Variants in HIF1AN observed in about 807,000 individuals in gnomAD.
HIF1AN encodes hypoxia inducible factor 1 subunit alpha inhibitor.
Under a neutral mutation model 47.7 loss-of-function variants are expected in HIF1AN, and 21 were observed. The ratio of observed to expected loss-of-function variants is 0.44; its 90% confidence interval spans 0.31 to 0.63. HIF1AN has a LOEUF of 0.63. HIF1AN is among the 30% of genes least tolerant of loss of function. The pLI, the probability that HIF1AN is intolerant of heterozygous loss-of-function variation, is 0.07. For missense variants in HIF1AN, 320 were observed against 432.7 expected (o/e 0.74, Z 2.31); for synonymous variants, 152 against 155.9 (o/e 0.98, Z 0.18).
At chr10:100,546,992 G>C in intron 6 of HIF1AN, 148 bp from the exon 7 acceptor site, 1 of 591,944 alleles carries the variant, frequency 1.7e-6, no homozygotes, top group East Asian at 3.0e-5. Flanking sequence ...CACCCGCCTC[G>C]GCCTCCCAAA....
rs1005808612 is a variant in HIF1AN, at chr10:100,549,624, C to G, written c.*1487C>G. 6.6e-6 allele frequency: 1 copy of G among 152,380 alleles called. No individual in the cohort carries two copies. Among genetic ancestry groups the G allele is most frequent in the African/African-American group, 2.4e-5 (1 of 41,472 alleles). 9.4% of individuals were successfully genotyped at this position (152,380 alleles called of 1,614,324 possible). A position where few individuals can be genotyped will look rare whatever the true frequency, so the allele number is the denominator to read the frequency against. On this transcript the variant is annotated 3_prime_UTR_variant, in exon 8 of 8. Transcript: ENST00000299163. ...CAACTTGAAGGGCCATCATTCACAT[C>G]TATTCAGTGGGAGTGGGGTCCCTGG...
At chr10:100,546,340 C>CT (rs1310561084) in intron 5 of HIF1AN, among the ~76,000 whole-genome samples, 178 bp from the exon 6 acceptor site, 3 of 152,168 alleles carry the variant, frequency 2.0e-5, no homozygotes, top group Non-Finnish European at 4.4e-5. Flanking sequence ...ACCAGTACCT[C>CT]TAACCCCCAA....
At position 100,553,737 on chromosome 10, in the gene HIF1AN, G is replaced by A. The variant is rs1843188724; in HGVS notation, c.*5600G>A. Reference sequence around the variant, plus strand: ...GCTTCACTACTTACCAGCTGGGTTTGACCTTGGTTGATTTACTTAACCTCT... The same window carrying A: ...GCTTCACTACTTACCAGCTGGGTTTAACCTTGGTTGATTTACTTAACCTCT... On this transcript the variant is annotated 3_prime_UTR_variant, in exon 8 of 8. Coordinates refer to ENST00000299163, the MANE Select transcript of HIF1AN (RefSeq NM_017902.3). The A allele has an allele frequency of 6.6e-6, 1 of 152,278 alleles. No homozygotes were observed. Among genetic ancestry groups the A allele is most frequent in the Admixed American group, 6.5e-5 (1 of 15,288 alleles). 9.4% of individuals were successfully genotyped at this position (152,278 alleles called of 1,614,324 possible).
Position 100,548,242 on chromosome 10 carries a change from A to G in HIF1AN, c.*105A>G, listed in dbSNP as rs1843113482. 1 of 979,468 alleles carries G rather than the reference A, an allele frequency of 1.0e-6. No individual in the cohort carries two copies. The highest frequency in any genetic ancestry group is 1.7e-5 in the African/African-American group (1 of 60,026). The allele number at this position is 979,468 out of a possible 1,614,324, so 60.7% of individuals were successfully genotyped here. ...AGCGCTAGTATTGCACGCTGCACTT[A>G]ATGGACTGGACTCTTGCCATGGCCC... On this transcript the variant is annotated 3_prime_UTR_variant, in exon 8 of 8. Coordinates refer to ENST00000299163, the MANE Select transcript of HIF1AN (RefSeq NM_017902.3).
chr10:100,559,844 C>T lies in HIF1AN; in HGVS notation c.*11707C>T, dbSNP rs1339283280. 2 of 152,216 alleles carry T rather than the reference C, an allele frequency of 1.3e-5. No individual in the cohort carries two copies. The highest frequency in any genetic ancestry group is 2.4e-5 in the African/African-American group (1 of 41,454). 9.4% of individuals were successfully genotyped at this position (152,216 alleles called of 1,614,324 possible). A position where few individuals can be genotyped will look rare whatever the true frequency, so the allele number is the denominator to read the frequency against. On this transcript the variant is annotated 3_prime_UTR_variant, in exon 8 of 8. Coordinates refer to ENST00000299163, the MANE Select transcript of HIF1AN (RefSeq NM_017902.3). ...ATGTAATATTACCACACACCCAAGT[C>T]ACTTAGCCTCTACAAGTACCACGTA...
intron 2 of HIF1AN, 68 bp from the exon 3 acceptor site, chr10:100,540,566 A>T: frequency 6.4e-7 from 1 of 1,566,192 alleles, no homozygotes; most frequent in Non-Finnish European, 8.7e-7. Flanking sequence ...GGATTTTCAG[A>T]TGTGGAGAGG....
At chr10:100,547,523 C>A (rs1277627691) in intron 7 of HIF1AN, among the ~76,000 whole-genome samples, 1 of 152,224 alleles carries the variant, frequency 6.6e-6, no homozygotes, top group African/African-American at 2.4e-5. Context: ...GAACAGGAAG[C>A]GAGCACTAAC....
rs1267212138 is a variant in HIF1AN at position 100,536,762 on chromosome 10, G to A, written c.428+101G>A. The A allele has an allele frequency of 3.1e-6, 4 of 1,299,246 alleles. No homozygotes were observed. In the African/African-American group the frequency reaches 5.9e-5, roughly 19 times the overall value. 80.5% of individuals were successfully genotyped at this position (1,299,246 alleles called of 1,614,324 possible). A position where few individuals can be genotyped will look rare whatever the true frequency, so the allele number is the denominator to read the frequency against. Reference sequence around the variant, plus strand: ...GCAGAATTGGGTCAATTAGAGATTGGCCTCTCCCATCTCTGGATTCCAGTT... The same window carrying A: ...GCAGAATTGGGTCAATTAGAGATTGACCTCTCCCATCTCTGGATTCCAGTT... On this transcript the variant is annotated intron_variant, in intron 2 of 7. Coordinates refer to ENST00000299163, the MANE Select transcript of HIF1AN (RefSeq NM_017902.3).
intron 1 of HIF1AN, 22 bp from the exon 2 acceptor site, chr10:100,536,389 T>G (rs1755734941): frequency 6.2e-7 from 1 of 1,610,298 alleles, no homozygotes; most frequent in Non-Finnish European, 8.5e-7. Context: ...TTTGGTGTTT[T>G]TCACCTGTTG....
In HIF1AN at chr10:100,536,031, C is replaced by G. The variant is rs377650841; in HGVS notation, c.73C>G (p.Pro25Ala). Reference sequence around the variant, plus strand: ...CCGGGAGGAGGCTGGAGCCCTCGGCCCCGCCTGGGATGAATCCCAGTTGCG... The same window carrying G: ...CCGGGAGGAGGCTGGAGCCCTCGGCGCCGCCTGGGATGAATCCCAGTTGCG... ...EPREEAGALGPAWDESQLRSY... is the reference protein window; with the variant it reads ...EPREEAGALGAAWDESQLRSY... Residue 25 changes from proline (P) to alanine (A), a missense_variant, in exon 1 of 8, where the codon CCC (proline) becomes GCC (alanine). Physicochemically the swap from Pro to Ala is conservative, Grantham distance 27. This residue lies in a region of HIF1AN where 159 missense variants were observed against 159.9 expected (regional missense o/e 0.99). Coordinates refer to ENST00000299163, the MANE Select transcript of HIF1AN (RefSeq NM_017902.3). The G allele has an allele frequency of 2.9e-5, 46 of 1,602,556 alleles. No homozygotes were observed. In the African/African-American group the frequency reaches 4.9e-4, roughly 17 times the overall value.
chr10:100,548,402 G>C lies in HIF1AN; in HGVS notation c.*265G>C. ...CCTAAAGTCCTGCATTCAGTGTGTG[G>C]AGTCCCAGCTTTTGGTTGTCATCAT... On this transcript the variant is annotated 3_prime_UTR_variant, in exon 8 of 8. Coordinates refer to ENST00000299163, the MANE Select transcript of HIF1AN (RefSeq NM_017902.3). The C allele has an allele frequency of 2.3e-6, 1 of 440,938 alleles. No individual in the cohort carries two copies. The highest frequency in any genetic ancestry group is 4.0e-6 in the Non-Finnish European group (1 of 248,462). 27.3% of individuals were successfully genotyped at this position (440,938 alleles called of 1,614,324 possible).
At chr10:100,548,042 C>T (rs746000641) in intron 7 of HIF1AN, 51 bp from the exon 8 acceptor site, 1 of 1,573,030 alleles carries the variant, frequency 6.4e-7, no homozygotes, top group Non-Finnish European at 8.7e-7. Flanking sequence ...CTGTCCAATT[C>T]CAGGGCCAGG....
rs1409901573 is a variant in HIF1AN, at chr10:100,556,885, G to GAAGA, written c.*8749_*8752dup. 3.0e-4 allele frequency: 46 copies of GAAGA among 152,338 alleles called. No individual in the cohort carries two copies. Among genetic ancestry groups the GAAGA allele is most frequent in the African/African-American group, 1.1e-3 (45 of 41,570 alleles). 9.4% of individuals were successfully genotyped at this position (152,338 alleles called of 1,614,324 possible). On this transcript the variant is annotated 3_prime_UTR_variant, in exon 8 of 8. Coordinates refer to ENST00000299163, the MANE Select transcript of HIF1AN (RefSeq NM_017902.3). Reference sequence around the variant, plus strand: ...AGCACTCAGGAAAATGTTTTATTATGAAGACCAAGTGTCTCTGAAAAGTGT... The same window carrying GAAGA: ...AGCACTCAGGAAAATGTTTTATTATGAAGAAAGACCAAGTGTCTCTGAAAAGTGT...
intron 6 of HIF1AN, among the ~76,000 whole-genome samples, 170 bp downstream of exon 6, chr10:100,546,751 A>G (rs546321201): frequency 1.3e-5 from 2 of 151,846 alleles, no homozygotes; most frequent in South Asian, 4.2e-4. Flanking sequence ...TTTTAAATAT[A>G]TTTTTTGAGA....
chr10:100,536,004 C>G lies in HIF1AN; in HGVS notation c.46C>G (p.Pro16Ala). ...GGCTGTGGCCTCTGGCTCTGGAGAG[C>G]CCCGGGAGGAGGCTGGAGCCCTCGG... Reference protein sequence around the residue: ...AEAVASGSGEPREEAGALGPA... With the variant: ...AEAVASGSGEAREEAGALGPA... Residue 16 changes from proline (P) to alanine (A), a missense_variant, in exon 1 of 8, where the codon CCC (proline) becomes GCC (alanine). Physicochemically the swap from Pro to Ala is conservative, Grantham distance 27. This residue lies in a region of HIF1AN where 159 missense variants were observed against 159.9 expected (regional missense o/e 0.99). Coordinates refer to ENST00000299163, the MANE Select transcript of HIF1AN (RefSeq NM_017902.3). 6.4e-7 allele frequency: 1 copy of G among 1,569,074 alleles called. No homozygotes were observed. The highest frequency in any genetic ancestry group is 8.6e-7 in the Non-Finnish European group (1 of 1,158,990).
At chr10:100,536,713 T>C (rs761760707) in intron 2 of HIF1AN, 52 bp downstream of exon 2, 9 of 1,597,724 alleles carry the variant, frequency 5.6e-6, no homozygotes, top group Admixed American at 1.7e-5. Context: ...TCATTTTTCT[T>C]TCCTATACTT....
rs1429891845 is a variant in HIF1AN, at chr10:100,553,919, T to C, written c.*5782T>C. The C allele has an allele frequency of 1.3e-5, 2 of 152,226 alleles. No homozygotes were observed. Among genetic ancestry groups the C allele is most frequent in the African/African-American group, 2.4e-5 (1 of 41,456 alleles). 9.4% of individuals were successfully genotyped at this position (152,226 alleles called of 1,614,324 possible). A position where few individuals can be genotyped will look rare whatever the true frequency, so the allele number is the denominator to read the frequency against. On this transcript the variant is annotated 3_prime_UTR_variant, in exon 8 of 8. Coordinates refer to ENST00000299163, the MANE Select transcript of HIF1AN (RefSeq NM_017902.3). Reference sequence around the variant, plus strand: ...TAAATGGCTGTGGTGGTGGTGGTTATATTTATTATGTGATTTATTCAGAAA... The same window carrying C: ...TAAATGGCTGTGGTGGTGGTGGTTACATTTATTATGTGATTTATTCAGAAA...
At chr10:100,543,019 G>T in intron 3 of HIF1AN, among the ~76,000 whole-genome samples, 1 of 151,994 alleles carries the variant, frequency 6.6e-6, no homozygotes. Context: ...TGAATAACCT[G>T]GGTTGAACAA....
chr10:100,538,489 C>T (rs1436216106), intron 2 of HIF1AN, among the ~76,000 whole-genome samples: 3 of 152,040 alleles, frequency 2.0e-5, no homozygotes, highest in Non-Finnish European at 2.9e-5. Context: ...TGCATTGAGT[C>T]TTGAGGATTT....
Sources: gnomAD v4.1 joint callset for allele counts (sites outside exome capture counted in the v4.1 genomes callset) on GRCh38, gnomAD v4.1.1 for gene constraint, gnomAD v4.1.1 regional missense constraint, MANE v1.5 for transcripts, NCBI Gene and HGNC (gene_info 2026-07-23, HGNC 2026-07-21) for gene names.